KCNMA1: variants seen among roughly 807,000 people sequenced by gnomAD.
The protein encoded by KCNMA1 is potassium calcium-activated channel subfamily M alpha 1.
KCNMA1 carries 29 observed loss-of-function variants against 140.0 expected under a neutral mutation model. The ratio of observed to expected loss-of-function variants is 0.21; its 90% CI spans 0.15 to 0.28. The LOEUF (loss-of-function observed/expected upper bound fraction) is 0.28, where lower values mean the gene tolerates loss of function less well. Ranked by LOEUF, KCNMA1 falls within the 10% of genes least tolerant of loss-of-function variation. The pLI is 1.00. For synonymous variants in KCNMA1, 612 were observed against 611.9 expected, an observed-to-expected ratio of 1.00 and a Z score of 0.00; for missense variants, 880 against 1,602.2, an observed-to-expected ratio of 0.55 and a Z score of 7.70.
intron 1 of KCNMA1, among the ~76,000 whole-genome samples, chr10:77,425,875 C>T (rs557227516): frequency 6.6e-5 from 10 of 152,122 alleles, no homozygotes; most frequent in Non-Finnish European, 1.5e-4. Context: ...GTGTTCATCG[C>T]GGTGCTTTCT....
chr10:77,585,239 G>C (rs1259085534), intron 1 of KCNMA1, among the ~76,000 whole-genome samples: 1 of 152,208 alleles, frequency 6.6e-6, no homozygotes, highest in Non-Finnish European at 1.5e-5. Flanking sequence ...TGCACAGTCA[G>C]ACTGGCTGGG....
chr10:77,540,034 C>T (rs2059822612), intron 1 of KCNMA1, among the ~76,000 whole-genome samples: 1 of 152,234 alleles, frequency 6.6e-6, no homozygotes, highest in Non-Finnish European at 1.5e-5. Flanking sequence ...CTCCACTTTA[C>T]ACCTACCTCC....
intron 5 of KCNMA1, 49 bp from the exon 6 acceptor site, chr10:77,121,097 T>C: frequency 3.4e-6 from 4 of 1,176,282 alleles, no homozygotes; most frequent in Non-Finnish European, 5.0e-6. Flanking sequence ...TGTGTGATTT[T>C]AATGTTCACA....
At chr10:76,952,249 A>C in intron 21 of KCNMA1, 1 of 1,412,388 alleles carries the variant, frequency 7.1e-7, no homozygotes, top group South Asian at 1.4e-5. Flanking sequence ...GGCTGGGTGC[A>C]GTGACTCACG....
At chr10:77,213,714 C>T (rs915587274) in intron 3 of KCNMA1, among the ~76,000 whole-genome samples, 3 of 152,152 alleles carry the variant, frequency 2.0e-5, no homozygotes, top group African/African-American at 4.8e-5. Flanking sequence ...CCTTGCTCTG[C>T]TGATTGTCGG....
intron 15 of KCNMA1, among the ~76,000 whole-genome samples, chr10:77,035,966 A>ATT (rs2094301440): frequency 6.6e-6 from 1 of 152,174 alleles, no homozygotes; most frequent in Non-Finnish European, 1.5e-5. Flanking sequence ...GGGTGTTACC[A>ATT]AAGGAGATTA....
intron 2 of KCNMA1, among the ~76,000 whole-genome samples, chr10:77,264,962 T>C (rs923848105): frequency 6.6e-6 from 1 of 152,208 alleles, no homozygotes; most frequent in Non-Finnish European, 1.5e-5. Flanking sequence ...AACTGAAGAA[T>C]GCCCTTTTTT....
chr10:77,045,570 C>T (rs550100496), intron 14 of KCNMA1, among the ~76,000 whole-genome samples: 23 of 152,226 alleles, frequency 1.5e-4, no homozygotes, highest in African/African-American at 5.3e-4. Flanking sequence ...CACCAATCCA[C>T]GGGCAGACAG....
intron 5 of KCNMA1, among the ~76,000 whole-genome samples, chr10:77,172,001 G>A (rs901527676): frequency 1.3e-5 from 2 of 152,054 alleles, no homozygotes; most frequent in Non-Finnish European, 2.9e-5. Flanking sequence ...CCATCTTTGG[G>A]TCACTCCTAG....
chr10:77,524,872 C>T (rs1173038781), intron 1 of KCNMA1, among the ~76,000 whole-genome samples: 1 of 152,128 alleles, frequency 6.6e-6, no homozygotes. Flanking sequence ...AATATGAGCC[C>T]ATCCACTTCC....
At chr10:76,947,063 G>A (rs941213705) in intron 22 of KCNMA1, among the ~76,000 whole-genome samples, 14 of 152,122 alleles carry the variant, frequency 9.2e-5, no homozygotes, top group African/African-American at 2.2e-4. Context: ...AGCCGGGCGC[G>A]GTGGCTGATG....
intron 3 of KCNMA1, among the ~76,000 whole-genome samples, chr10:77,236,255 T>C (rs1026453166): frequency 6.6e-6 from 1 of 152,202 alleles, no homozygotes; most frequent in African/African-American, 2.4e-5. Flanking sequence ...AGCACCATAT[T>C]TGGATCTTTC....
intron 2 of KCNMA1, among the ~76,000 whole-genome samples, chr10:77,269,994 C>A (rs1487686531): frequency 6.6e-6 from 1 of 152,184 alleles, no homozygotes; most frequent in East Asian, 1.9e-4. Flanking sequence ...ATTTCAGTAG[C>A]CTGAGTTGCT....
intron 3 of KCNMA1, among the ~76,000 whole-genome samples, chr10:77,203,984 T>C (rs2043234840): frequency 6.6e-6 from 1 of 151,234 alleles, no homozygotes; most frequent in South Asian, 2.1e-4. Flanking sequence ...TAATCCCAGC[T>C]ACTTGGGAGA....
At chr10:77,390,384 G>A (rs1293347542) in intron 2 of KCNMA1, among the ~76,000 whole-genome samples, 3 of 152,180 alleles carry the variant, frequency 2.0e-5, no homozygotes, top group Admixed American at 1.3e-4. Flanking sequence ...CATAGACCAA[G>A]GTGAGTAAAC....
intron 1 of KCNMA1, among the ~76,000 whole-genome samples, chr10:77,474,935 T>G (rs35798): frequency 0.18 from 28,023 of 151,958 alleles, 3,088 homozygotes; most frequent in African/African-American, 0.3. Flanking sequence ...ATTTTGCCCC[T>G]GGGTAGCAAG....
intron 5 of KCNMA1, among the ~76,000 whole-genome samples, chr10:77,156,009 C>T (rs2098479094): frequency 6.6e-6 from 1 of 151,952 alleles, no homozygotes; most frequent in African/African-American, 2.4e-5. Flanking sequence ...GGGTGGATCA[C>T]GAGGTTAGGA....
intron 5 of KCNMA1, among the ~76,000 whole-genome samples, chr10:77,153,535 C>G (rs944827163): frequency 6.6e-6 from 1 of 151,984 alleles, no homozygotes; most frequent in Non-Finnish European, 1.5e-5. Flanking sequence ...CTACATCCAG[C>G]TAATTTTTTG....
At chr10:77,177,006 G>A (rs988521818) in intron 5 of KCNMA1, among the ~76,000 whole-genome samples, 2 of 152,166 alleles carry the variant, frequency 1.3e-5, no homozygotes, top group Admixed American at 1.3e-4. Context: ...AGTGATGCAA[G>A]GTGGGGATGC....
Sources: allele counts gnomAD v4.1 joint callset (sites outside exome capture counted in the v4.1 genomes callset), GRCh38; gene constraint gnomAD v4.1.1; transcripts MANE v1.5; gene names NCBI Gene and HGNC (gene_info 2026-07-23, HGNC 2026-07-21).